Variants in ARHGEF1 observed in about 807,000 individuals in gnomAD.
ARHGEF1 encodes the protein 115 kDa guanine nucleotide exchange factor.
ARHGEF1 carries 40 observed loss-of-function variants against 119.7 expected under a neutral mutation model. That is an observed-to-expected ratio of 0.33 (90% CI 0.26 to 0.44). The LOEUF (loss-of-function observed/expected upper bound fraction) is 0.44, where lower values mean the gene tolerates loss of function less well. Ranked by LOEUF, ARHGEF1 falls within the 20% of genes least tolerant of loss-of-function variation. The pLI, the probability that ARHGEF1 is intolerant of heterozygous loss-of-function variation, is 1.00. For missense variants in ARHGEF1, 976 were observed against 1,268.3 expected (o/e 0.77, Z 3.50); for synonymous variants, 494 against 521.0 (o/e 0.95, Z 0.71).
chr19:41,895,038 G>A (rs1207567663), intron 11 of ARHGEF1, among the ~76,000 whole-genome samples: 4 of 144,586 alleles, frequency 2.8e-5, no homozygotes, highest in African/African-American at 5.3e-5. Context: ...GCTCAGACTC[G>A]GACTCTTAGG....
At chr19:41,908,021 G>T (rs2074727632), downstream of ARHGEF1, 1 of 423,702 alleles carries the variant, frequency 2.4e-6, no homozygotes, top group Non-Finnish European at 4.0e-6. This position sits in a 1 kb window ranked among gnomAD's most constrained non-coding sequence, Gnocchi z 6.7. Context: ...TGGGGAGGAG[G>T]CCGGAGGCCA....
exon 1 of ARHGEF1, chr19:41,923,199 C>G (rs2074852042): frequency 2.2e-6 from 1 of 456,274 alleles, no homozygotes; most frequent in Non-Finnish European, 4.4e-6. Context: ...GGCCAAAGTC[C>G]CACAGGGATG....
chr19:41,907,471 CG>C (rs1568827803), downstream of ARHGEF1: 3 of 1,442,276 alleles, frequency 2.1e-6, no homozygotes, highest in Non-Finnish European at 9.2e-7. Flanking sequence ...TGTGTGATGG[CG>C]GGGTGGGGCC....
rs1453349574 is a variant in ARHGEF1, at chr19:41,916,678, G to A, written c.1866-6414G>A. On this transcript the variant is annotated intron_variant, in intron 18 of 20. Transcript: ENST00000599589. This position sits in a 1 kb window ranked among gnomAD's most constrained non-coding sequence, Gnocchi z 5.4. ...CACAGTCACACAACCAAGCACCACC[G>A]ACCCTCGAGCGCATACATATGCACT... Among the ~76,000 whole-genome samples the A allele has an allele frequency of 6.6e-6, 1 of 151,216 alleles. No individual in the cohort carries two copies. The highest frequency in any genetic ancestry group is 1.5e-5 in the Non-Finnish European group (1 of 67,874).
chr19:41,896,263 T>C (rs1242869396), intron 12 of ARHGEF1, 114 bp from the exon 13 acceptor site: 2 of 508,388 alleles, frequency 3.9e-6, no homozygotes, highest in South Asian at 4.2e-5. Flanking sequence ...AGAGCAGCCA[T>C]GTGGTGTCTG....
chr19:41,898,106 C>G, intron 13 of ARHGEF1: 1 of 1,376,432 alleles, frequency 7.3e-7, no homozygotes, highest in Non-Finnish European at 9.3e-7. Flanking sequence ...CCCTGCCCGA[C>G]GAGCCACGTA....
intron 1 of ARHGEF1, among the ~76,000 whole-genome samples, chr19:41,885,487 A>C (rs2074280178): frequency 6.6e-6 from 1 of 152,114 alleles, no homozygotes; most frequent in African/African-American, 2.4e-5. Flanking sequence ...TTTGAGACGA[A>C]GTCTCACTTC....
In ARHGEF1 at chr19:41,902,016, A is replaced by G; in HGVS notation, c.1397A>G (p.Glu466Gly). ...CAGAACATCTTCCCCAGCCTGGACGAGCTCATCGAGGTGCATTGTGAGTGC... is the reference window on the plus strand; with the variant it reads ...CAGAACATCTTCCCCAGCCTGGACGGGCTCATCGAGGTGCATTGTGAGTGC... ...ELQNIFPSLDELIEVHSLFLD... is the reference protein window; with the variant it reads ...ELQNIFPSLDGLIEVHSLFLD... Residue 466 changes from glutamate (E) to glycine (G), a missense_variant, in exon 15 of 29, where the codon GAG (glutamate) becomes GGG (glycine). Glu to Gly is a moderately conservative substitution (Grantham distance 98). Coordinates refer to ENST00000354532, the MANE Select transcript of ARHGEF1 (RefSeq NM_004706.4). The surrounding 1 kb of genome is among the most constrained non-coding windows in gnomAD (Gnocchi z 6.5). 1 of 1,613,956 alleles carries G rather than the reference A, an allele frequency of 6.2e-7. No homozygotes were observed. Among genetic ancestry groups the G allele is most frequent in the Non-Finnish European group, 8.5e-7 (1 of 1,179,938 alleles).
rs1359083125 is a variant in ARHGEF1, at chr19:41,895,366, A to G, written c.895A>G (p.Thr299Ala). The change falls in exon 12 of 29, where the codon ACA becomes GCA. Residue 299 changes from threonine (T) to alanine (A), a missense_variant. Around this residue, in one of 3 missense-constraint regions of ARHGEF1, gnomAD observed 519 missense variants for 580.9 expected, o/e 0.89. Transcript: ENST00000354532. ...AEVDAEKPGATDRKGGVGMPS... is the reference protein window; with the variant it reads ...AEVDAEKPGAADRKGGVGMPS... ...CTCCCCAGCCGAGAAGCCAGGTGCT[A>G]CAGACCGGAAGGGAGGCGTGGGGAT... The G allele has an allele frequency of 9.3e-6, 15 of 1,610,498 alleles. No homozygotes were observed. Among genetic ancestry groups the G allele is most frequent in the Admixed American group, 1.7e-5 (1 of 59,890 alleles).
At chr19:41,919,500 C>T (rs528177675), upstream of ARHGEF1, among the ~76,000 whole-genome samples, 62 of 143,806 alleles carry the variant, frequency 4.3e-4, no homozygotes, top group African/African-American at 1.5e-3. Context: ...CCCACGTGTG[C>T]ACGTGCACGC....
At chr19:41,900,449 C>T (rs1355838845) in intron 14 of ARHGEF1, among the ~76,000 whole-genome samples, 7 of 152,276 alleles carry the variant, frequency 4.6e-5, no homozygotes, top group African/African-American at 1.7e-4. Context: ...GACAGGATAG[C>T]AATTTCTTTC....
rs1555849513 is a variant in ARHGEF1 at position 41,903,698 on chromosome 19, C to G, written c.1840-9C>G. On this transcript the variant is annotated splice_polypyrimidine_tract_variant and intron_variant, in intron 19 of 28. Coordinates refer to ENST00000354532, the MANE Select transcript of ARHGEF1 (RefSeq NM_004706.4). This position sits in a 1 kb window ranked among gnomAD's most constrained non-coding sequence, Gnocchi z 4.2. ...GCTTGTCCCCATAATGCTCCCGTCT[C>G]TGCCCCAGAGGCTCAAGGACTATCA... 2 of 1,612,186 alleles carry G rather than the reference C, an allele frequency of 1.2e-6. No homozygotes were observed. Among genetic ancestry groups the G allele is most frequent in the Non-Finnish European group, 1.7e-6 (2 of 1,179,990 alleles).
rs367640006 is a variant in ARHGEF1 at position 41,915,560 on chromosome 19, C to T, written c.1866-7532C>T. ...TCTAGGGTCTCCACACCCCTGTCTC[C>T]GTCTCCACATCTCCATATCTCCTCC... On this transcript the variant is annotated intron_variant, in intron 18 of 20. Transcript: ENST00000599589. Among the ~76,000 whole-genome samples the T allele has an allele frequency of 6.6e-5, 10 of 152,166 alleles. 1 individual carries two copies. Among genetic ancestry groups the T allele is most frequent in the Middle Eastern group, 6.8e-3 (2 of 294 alleles).
Position 41,892,786 on chromosome 19 carries a change from C to G in ARHGEF1, c.551C>G (p.Ala184Gly). Reference sequence around the variant, plus strand: ...GAGGCTTGGGTTGGGCGGGACCGAGCCAGCTACGAGGCCCGGGAGCGGCAC... The same window carrying G: ...GAGGCTTGGGTTGGGCGGGACCGAGGCAGCTACGAGGCCCGGGAGCGGCAC... ...QLEAWVGRDR[A>G]SYEARERHVA... is the part of the protein sequence containing the mutation. Residue 184 changes from alanine (A) to glycine (G), a missense_variant, in exon 7 of 29, where the codon GCC becomes GGC. Physicochemically the swap from Ala to Gly is moderately conservative, Grantham distance 60. Transcript: ENST00000354532. The surrounding 1 kb of genome is among the most constrained non-coding windows in gnomAD (Gnocchi z 6.3). 1.2e-6 allele frequency: 2 copies of G among 1,600,012 alleles called. No individual in the cohort carries two copies. Among genetic ancestry groups the G allele is most frequent in the Non-Finnish European group, 1.7e-6 (2 of 1,175,334 alleles).
chr19:41,899,404 C>T (rs1310268356), intron 14 of ARHGEF1, among the ~76,000 whole-genome samples: 3 of 151,942 alleles, frequency 2.0e-5, no homozygotes, highest in Non-Finnish European at 4.4e-5. Flanking sequence ...GCAGTGCTTG[C>T]TTCTGCGTGG....
intron 13 of ARHGEF1, chr19:41,897,334 C>G: frequency 7.9e-7 from 1 of 1,267,042 alleles, no homozygotes; most frequent in Non-Finnish European, 1.0e-6. Flanking sequence ...GAGGTGGGTG[C>G]CTGGGCCCTG....
Position 41,888,233 on chromosome 19 carries a change from C to T in ARHGEF1, c.66C>T (p.Ser22=). Residue 22 remains serine, a synonymous_variant, in exon 3 of 29, where the codon AGC becomes AGT. Coordinates refer to ENST00000354532, the MANE Select transcript of ARHGEF1 (RefSeq NM_004706.4). This position sits in a 1 kb window ranked among gnomAD's most constrained non-coding sequence, Gnocchi z 5.1. ...GPSRPGLVPV[S]IIGAEDEDFE... ...CCCGGCCTGGCCTGGTTCCCGTCAG[C>T]ATCATCGGGGCTGAGGATGAGGATT... 1.2e-6 allele frequency: 2 copies of T among 1,614,088 alleles called. No individual in the cohort carries two copies. The highest frequency in any genetic ancestry group is 1.7e-6 in the Non-Finnish European group (2 of 1,180,016).
Position 41,913,497 on chromosome 19 carries a change from G to A in ARHGEF1, c.1865+6694G>A, listed in dbSNP as rs1555851456. On this transcript the variant is annotated intron_variant, in intron 18 of 20. Coordinates refer to the ARHGEF1 transcript ENST00000599589. The stretch of plus-strand genomic sequence containing the variant: ...CCAGGCGCAGCCCTGACCCGCAGCC[G>A]CCCAGGACGGGCTGCAGGGGGGCAG... Among the ~76,000 whole-genome samples, 3 of 147,702 alleles carry A rather than the reference G, an allele frequency of 2.0e-5. 1 individual carries two copies. Among genetic ancestry groups the A allele is most frequent in the South Asian group, 4.4e-4 (2 of 4,580 alleles).
At chr19:41,898,126 T>C (rs1555848296) in intron 13 of ARHGEF1, 4 of 1,387,860 alleles carry the variant, frequency 2.9e-6, no homozygotes, top group Admixed American at 6.9e-5. Flanking sequence ...ATGTCAACCC[T>C]CTCCCTTCCC....
Sources: allele counts gnomAD v4.1 joint callset (sites outside exome capture counted in the v4.1 genomes callset), GRCh38; gene constraint gnomAD v4.1.1; regional missense constraint gnomAD v4.1.1; non-coding constraint Gnocchi (gnomAD v3.1); transcripts MANE v1.5; gene names NCBI Gene and HGNC (gene_info 2026-07-23, HGNC 2026-07-21).